NCALD: variants seen among roughly 807,000 people sequenced by gnomAD.
The protein encoded by NCALD is neurocalcin delta.
A neutral mutation model predicts 18.6 loss-of-function variants in NCALD; 10 were observed. The observed-to-expected ratio is 0.54, with a 90% CI of 0.33 to 0.91. The LOEUF (loss-of-function observed/expected upper bound fraction) is 0.91, where lower values mean the gene tolerates loss of function less well. Ranked by LOEUF, NCALD falls within the 40% of genes least tolerant of loss-of-function variation. NCALD has a pLI of 0.03. For missense variants in NCALD, 184 were observed against 247.6 expected (o/e 0.74, Z 1.72); for synonymous variants, 88 against 87.4 (o/e 1.01, Z -0.04).
At chr8:101,866,892 T>G (rs1014825066) in intron 4 of NCALD, among the ~76,000 whole-genome samples, 1 of 152,168 alleles carries the variant, frequency 6.6e-6, no homozygotes, top group Non-Finnish European at 1.5e-5. Flanking sequence ...AGCATGTCAC[T>G]TCTCTGCTCA....
intron 1 of NCALD, among the ~76,000 whole-genome samples, chr8:101,767,733 T>C (rs531552424): frequency 6.6e-6 from 1 of 152,358 alleles, no homozygotes; most frequent in African/African-American, 2.4e-5. Flanking sequence ...ATGCTGCAAG[T>C]TCAATGTAAA....
At chr8:101,773,795 T>C in intron 1 of NCALD, among the ~76,000 whole-genome samples, 1 of 152,194 alleles carries the variant, frequency 6.6e-6, no homozygotes, top group East Asian at 1.9e-4. Context: ...GTACCTCCCA[T>C]TGAGGCTATT....
rs111845816 is a variant in NCALD at position 101,826,510 on chromosome 8, A to G, written c.-20+60631T>C. 5.7e-3 allele frequency among the ~76,000 whole-genome samples: 867 copies of G among 152,256 alleles called. 11 individuals are homozygous for G. Among genetic ancestry groups the G allele is most frequent in the African/African-American group, 0.018 (762 of 41,540 alleles). On this transcript the variant is annotated intron_variant, in intron 4 of 6. Transcript: ENST00000311028. ...GTTTTTAGCATCATGCATAGTGTAA[A>G]CTCATCTGCTACATGTCCAACAGAG... is the stretch of plus-strand genomic sequence containing the variant.
intron 4 of NCALD, among the ~76,000 whole-genome samples, chr8:101,800,580 A>T (rs966047543): frequency 6.6e-6 from 1 of 151,844 alleles, no homozygotes; most frequent in Non-Finnish European, 1.5e-5. Context: ...AAAGAAAATA[A>T]ACATCATACT....
intron 2 of NCALD, among the ~76,000 whole-genome samples, chr8:102,015,095 G>A (rs1386494474): frequency 1.3e-5 from 2 of 152,182 alleles, no homozygotes; most frequent in South Asian, 2.1e-4. Context: ...TGTACTTCTC[G>A]ACCCATAGAC....
At chr8:102,021,678 C>G (rs1822279378) in intron 1 of NCALD, among the ~76,000 whole-genome samples, 1 of 152,156 alleles carries the variant, frequency 6.6e-6, no homozygotes, top group Non-Finnish European at 1.5e-5. Flanking sequence ...TTCCACTAGC[C>G]CGGTGAATGA....
chr8:101,879,135 A>G (rs962594041), intron 4 of NCALD, among the ~76,000 whole-genome samples: 7 of 152,198 alleles, frequency 4.6e-5, no homozygotes, highest in Non-Finnish European at 7.3e-5. Context: ...GAGACTGCCA[A>G]ACTTCCACGG....
intron 2 of NCALD, among the ~76,000 whole-genome samples, chr8:101,699,191 C>T (rs1199711010): frequency 2.0e-5 from 3 of 151,998 alleles, no homozygotes; most frequent in East Asian, 1.9e-4. Context: ...TAGAGAAATG[C>T]GAATCAAAAC....
intron 1 of NCALD, among the ~76,000 whole-genome samples, chr8:102,048,794 T>C (rs1307556938): frequency 1.3e-5 from 2 of 152,178 alleles, no homozygotes; most frequent in Admixed American, 6.5e-5. Flanking sequence ...ATGACTTCAG[T>C]GGGACTCTGT....
At chr8:102,084,608 C>T (rs1587049688) in intron 1 of NCALD, among the ~76,000 whole-genome samples, 1 of 152,086 alleles carries the variant, frequency 6.6e-6, no homozygotes, top group African/African-American at 2.4e-5. Context: ...TTGGGAGGGG[C>T]GCCACACGCA....
chr8:101,972,885 C>T (rs963528968), intron 2 of NCALD, among the ~76,000 whole-genome samples: 3 of 152,196 alleles, frequency 2.0e-5, no homozygotes, highest in East Asian at 1.9e-4. Flanking sequence ...GACTGAGGAT[C>T]GGCTCACAAC....
chr8:101,755,881 G>A (rs1810857505), intron 1 of NCALD, among the ~76,000 whole-genome samples: 1 of 152,206 alleles, frequency 6.6e-6, no homozygotes, highest in South Asian at 2.1e-4. Flanking sequence ...TCTTTTACCA[G>A]TGAAAACATA....
chr8:102,090,796 G>T (rs1824899784), intron 1 of NCALD, among the ~76,000 whole-genome samples: 1 of 152,148 alleles, frequency 6.6e-6, no homozygotes, highest in Non-Finnish European at 1.5e-5. Flanking sequence ...ACAGTTATTT[G>T]CATAAGTACA....
At chr8:101,893,031 C>T (rs368788577) in intron 3 of NCALD, among the ~76,000 whole-genome samples, 15 of 149,166 alleles carry the variant, frequency 1.0e-4, no homozygotes, top group Middle Eastern at 3.4e-3. Flanking sequence ...AGATACTCCT[C>T]GAGAAGAGCA....
intron 4 of NCALD, among the ~76,000 whole-genome samples, chr8:101,864,780 G>C (rs967157276): frequency 6.6e-6 from 1 of 152,014 alleles, no homozygotes; most frequent in African/African-American, 2.4e-5. Flanking sequence ...ATTTTTAGTA[G>C]AGACGGGGTT....
chr8:101,854,675 C>G (rs1458040875), intron 4 of NCALD, among the ~76,000 whole-genome samples: 2 of 152,036 alleles, frequency 1.3e-5, no homozygotes, highest in Non-Finnish European at 2.9e-5. Flanking sequence ...TCCTAGACTC[C>G]CATGGAAAAA....
At chr8:101,953,785 T>C (rs1819520965) in intron 2 of NCALD, among the ~76,000 whole-genome samples, 2 of 152,272 alleles carry the variant, frequency 1.3e-5, no homozygotes, top group African/African-American at 4.8e-5. Flanking sequence ...TTTTGTTGAA[T>C]GAAGTAAATT....
At chr8:101,796,747 T>A (rs1812652539) in intron 4 of NCALD, among the ~76,000 whole-genome samples, 1 of 152,138 alleles carries the variant, frequency 6.6e-6, no homozygotes. Context: ...TAAGCAATAT[T>A]TGAAGAGAAT....
intron 1 of NCALD, among the ~76,000 whole-genome samples, chr8:102,069,030 G>A (rs941425280): frequency 1.3e-5 from 2 of 152,186 alleles, no homozygotes; most frequent in Admixed American, 1.3e-4. Flanking sequence ...GGCTGGGTGA[G>A]GGGAGTGGAG....
Sources: gnomAD v4.1 joint callset for allele counts (sites outside exome capture counted in the v4.1 genomes callset) on GRCh38, gnomAD v4.1.1 for gene constraint, MANE v1.5 for transcripts, NCBI Gene and HGNC (gene_info 2026-07-23, HGNC 2026-07-21) for gene names.